The following FILIP1L variants were observed in gnomAD, a reference collection of about 807,000 sequenced individuals.
The protein encoded by FILIP1L is filamin A-interacting protein 1-like.
A neutral mutation model predicts 96.6 loss-of-function variants in FILIP1L; 55 were observed. That is an observed-to-expected ratio of 0.57 (90% CI 0.46 to 0.71). The LOEUF (loss-of-function observed/expected upper bound fraction) is 0.71, where lower values mean the gene tolerates loss of function less well. Among genes scored for constraint, FILIP1L ranks in the 30% least tolerant of loss-of-function variants. FILIP1L has a pLI of 0.00. For missense variants in FILIP1L, 1,304 were observed against 1,321.2 expected, an observed-to-expected ratio of 0.99 and a Z score of 0.20; for synonymous variants, 467 against 473.9, an observed-to-expected ratio of 0.99 and a Z score of 0.19.
intron 1 of FILIP1L, among the ~76,000 whole-genome samples, chr3:100,045,154 G>C (rs2065259169): frequency 6.6e-6 from 1 of 152,226 alleles, no homozygotes; most frequent in African/African-American, 2.4e-5. Context: ...ACAGTTTATA[G>C]ATTATATTTA....
intron 1 of FILIP1L, among the ~76,000 whole-genome samples, chr3:99,980,384 A>G (rs1010098260): frequency 2.6e-5 from 4 of 152,294 alleles, no homozygotes; most frequent in African/African-American, 9.6e-5. Context: ...GTTTGGGGAA[A>G]GGAATATGGT....
chr3:99,993,519 T>C (rs1047561893), intron 1 of FILIP1L, among the ~76,000 whole-genome samples: 1 of 152,146 alleles, frequency 6.6e-6, no homozygotes, highest in Non-Finnish European at 1.5e-5. Context: ...CTGTGTTGAA[T>C]AGGGGTGGTA....
intron 1 of FILIP1L, among the ~76,000 whole-genome samples, chr3:99,992,228 T>C (rs937643773): frequency 2.0e-5 from 3 of 152,096 alleles, no homozygotes; most frequent in Admixed American, 6.6e-5. Flanking sequence ...TATTTTTAGC[T>C]ATTTGAGAAA....
At chr3:99,962,063 A>G (rs6792339) in intron 1 of FILIP1L, among the ~76,000 whole-genome samples, 14,639 of 152,250 alleles carry the variant, frequency 0.096, 843 homozygotes, top group African/African-American at 0.16. Flanking sequence ...CCACACAAGC[A>G]AAGTCCTGAA....
At chr3:99,934,862 T>C (rs1707609896) in intron 1 of FILIP1L, among the ~76,000 whole-genome samples, 1 of 152,158 alleles carries the variant, frequency 6.6e-6, no homozygotes, top group African/African-American at 2.4e-5. Flanking sequence ...TCTAAAGAGA[T>C]TAGAGTTTTA....
chr3:99,911,155 T>C (rs142608314), intron 4 of FILIP1L, among the ~76,000 whole-genome samples: 149 of 152,262 alleles, frequency 9.8e-4, no homozygotes, highest in Non-Finnish European at 1.6e-3. Context: ...GAGATTTATT[T>C]TTCCATTTGC....
At chr3:99,929,311 T>C (rs1559692064) in intron 3 of FILIP1L, among the ~76,000 whole-genome samples, 2 of 152,232 alleles carry the variant, frequency 1.3e-5, no homozygotes, top group African/African-American at 4.8e-5. Context: ...TTTGCTGTCA[T>C]TAAACTTTGA....
chr3:99,841,701 A>G (rs1943139755), intron 5 of FILIP1L, among the ~76,000 whole-genome samples: 1 of 152,244 alleles, frequency 6.6e-6, no homozygotes, highest in South Asian at 2.1e-4. Flanking sequence ...TCAAAAGAAG[A>G]TATACAAATG....
chr3:99,839,498 A>G (rs1051307375), intron 5 of FILIP1L, among the ~76,000 whole-genome samples: 8 of 152,178 alleles, frequency 5.3e-5, no homozygotes. Context: ...GAAAGGTCTA[A>G]ACAGTAGAGA....
intron 4 of FILIP1L, among the ~76,000 whole-genome samples, chr3:99,903,546 G>T (rs931412231): frequency 1.3e-5 from 2 of 152,106 alleles, no homozygotes; most frequent in African/African-American, 2.4e-5. Context: ...CACCGCGCCC[G>T]GCCATGTATG....
intron 1 of FILIP1L, among the ~76,000 whole-genome samples, chr3:99,989,121 T>C (rs1163967977): frequency 6.6e-6 from 1 of 152,220 alleles, no homozygotes; most frequent in Non-Finnish European, 1.5e-5. Context: ...TTCATATACA[T>C]TATCTTGTTT....
At position 99,924,342 on chromosome 3, in the gene FILIP1L, C is replaced by G; in HGVS notation, c.493G>C (p.Glu165Gln). The G allele has an allele frequency of 1.9e-6, 3 of 1,614,110 alleles. No individual in the cohort carries two copies. The highest frequency in any genetic ancestry group is 8.5e-7 in the Non-Finnish European group (1 of 1,179,994). ...AATATGGTTTGCCTACGGGATTTTT[C>G]TGCCACTAAAAGCTGTCCCAGGATT... ...RRILGQLLVAEKSRRQTILEL... is the reference protein window; with the variant it reads ...RRILGQLLVAQKSRRQTILEL... Residue 165 changes from glutamate (E) to glutamine (Q), a missense_variant, in exon 4 of 6, where the codon GAA becomes CAA. By Grantham distance (29) the Glu-to-Gln change is conservative (BLOSUM62 2). Transcript: ENST00000477258.
At chr3:99,945,935 G>A (rs1053336551) in intron 1 of FILIP1L, among the ~76,000 whole-genome samples, 8 of 152,204 alleles carry the variant, frequency 5.3e-5, no homozygotes, top group East Asian at 1.9e-4. Flanking sequence ...TGTCCACAGC[G>A]TGCAACTCAT....
intron 4 of FILIP1L, among the ~76,000 whole-genome samples, chr3:99,897,276 T>C (rs1266772715): frequency 1.3e-5 from 2 of 151,858 alleles, no homozygotes; most frequent in African/African-American, 4.8e-5. Flanking sequence ...GGAGAATCGC[T>C]CGAACCCAGG....
In FILIP1L at chr3:99,952,387, T is replaced by G. The variant is rs530836095; in HGVS notation, c.-10-21357A>C. Among the ~76,000 whole-genome samples, 3 of 152,282 alleles carry G rather than the reference T, an allele frequency of 2.0e-5. No homozygotes were observed. The South Asian group carries it at 6.2e-4, about 32-fold the overall frequency. Reference sequence around the variant, plus strand: ...AGCTGTTCTTCTGCCAGTCATTATGTCTGTTCAAGTTGAGGAAACAGAATA... The same window carrying G: ...AGCTGTTCTTCTGCCAGTCATTATGGCTGTTCAAGTTGAGGAAACAGAATA... On this transcript the variant is annotated intron_variant, in intron 1 of 5. Transcript: ENST00000477258.
chr3:99,862,000 C>T (rs938712335), intron 4 of FILIP1L, among the ~76,000 whole-genome samples: 1 of 152,112 alleles, frequency 6.6e-6, no homozygotes, highest in Non-Finnish European at 1.5e-5. Context: ...TACAAAAAGT[C>T]CTTATCATAG....
At chr3:99,872,410 T>A (rs1944847212) in intron 4 of FILIP1L, among the ~76,000 whole-genome samples, 1 of 151,978 alleles carries the variant, frequency 6.6e-6, no homozygotes, top group East Asian at 1.9e-4. Flanking sequence ...TGTTTGCTGT[T>A]CTGATGTAAT....
In FILIP1L at chr3:99,829,850, G is replaced by A. The variant is rs984191569; in HGVS notation, c.*564C>T. On this transcript the variant is annotated 3_prime_UTR_variant, in exon 6 of 6. Transcript: ENST00000477258. ...TTCTGCACAAAGGATATATTCGGCT[G>A]TTATTCACTTTTGTTATGCTTTTCC... 2.0e-5 allele frequency among the ~76,000 whole-genome samples: 3 copies of A among 152,146 alleles called. No individual in the cohort carries two copies. Among genetic ancestry groups the A allele is most frequent in the South Asian group, 2.1e-4 (1 of 4,828 alleles).
intron 1 of FILIP1L, among the ~76,000 whole-genome samples, chr3:100,102,014 C>T (rs1036099214): frequency 6.6e-6 from 1 of 152,142 alleles, no homozygotes; most frequent in South Asian, 2.1e-4. Flanking sequence ...TTAATCCAGT[C>T]GATCATTGTT....
Sources: allele counts gnomAD v4.1 joint callset (sites outside exome capture counted in the v4.1 genomes callset), GRCh38; gene constraint gnomAD v4.1.1; transcripts MANE v1.5; gene names NCBI Gene and HGNC (gene_info 2026-07-23, HGNC 2026-07-21).